The following YEATS2 variants were observed in gnomAD, a reference collection of about 807,000 sequenced individuals.
YEATS2 encodes YEATS domain containing 2.
In YEATS2, 77 loss-of-function variants were observed where a neutral mutation model predicts 163.2. The ratio of observed to expected loss-of-function variants is 0.47; its 90% CI spans 0.39 to 0.57. YEATS2 has a LOEUF of 0.57. Among genes scored for constraint, YEATS2 ranks in the 20% least tolerant of loss-of-function variants. The pLI, the probability that YEATS2 is intolerant of heterozygous loss-of-function variation, is 0.00. For synonymous variants in YEATS2, 631 were observed against 645.1 expected, an observed-to-expected ratio of 0.98 and a Z score of 0.33; for missense variants, 1,549 against 1,729.8, an observed-to-expected ratio of 0.90 and a Z score of 1.85.
intron 15 of YEATS2, among the ~76,000 whole-genome samples, chr3:183,762,806 C>G (rs184119619): frequency 1.2e-3 from 182 of 152,024 alleles, no homozygotes; most frequent in African/African-American, 4.3e-3. Context: ...GATCCCAGCA[C>G]TTTAGGAGGC....
chr3:183,758,759 G>T, intron 12 of YEATS2, 103 bp from the exon 13 acceptor site: 1 of 868,202 alleles, frequency 1.2e-6, no homozygotes, highest in Non-Finnish European at 1.8e-6. Context: ...CCTTAAACAT[G>T]AAAAATAAAT....
intron 1 of YEATS2, among the ~76,000 whole-genome samples, chr3:183,712,227 T>TTTTATTTTATTTTATGTTATTTTATTTTA (rs1577037949): frequency 1.8e-5 from 1 of 55,244 alleles, no homozygotes; most frequent in African/African-American, 2.1e-4. Flanking sequence ...ATTTTATTTT[T>TTTTATTTTATTTTATGTTATTTTATTTTA]TGAGACAGAG....
At chr3:183,798,515 GGC>G (rs1725372000) in intron 22 of YEATS2, among the ~76,000 whole-genome samples, 2 of 152,016 alleles carry the variant, frequency 1.3e-5, no homozygotes, top group Admixed American at 6.6e-5. Context: ...CACCACGCCT[GGC>G]TAATTTTCGT....
At chr3:183,735,045 G>T (rs1718194166) in intron 7 of YEATS2, among the ~76,000 whole-genome samples, 1 of 152,084 alleles carries the variant, frequency 6.6e-6, no homozygotes, top group Non-Finnish European at 1.5e-5. Flanking sequence ...CTGTTAAAAA[G>T]CATTGTTCAT....
chr3:183,761,628 A>C lies in YEATS2; in HGVS notation c.1764+14A>C, dbSNP rs776008958. On this transcript the variant is annotated intron_variant, in intron 14 of 30. Coordinates refer to ENST00000305135, the MANE Select transcript of YEATS2 (RefSeq NM_018023.5). ...GCTTTCACAAAAGTGAGTATGTATT[A>C]GGGCATTGTCCCACAAGTCATAATA... 1.2e-6 allele frequency: 2 copies of C among 1,607,872 alleles called. No individual in the cohort carries two copies. The highest frequency in any genetic ancestry group is 2.7e-5 in the African/African-American group (2 of 74,806).
At chr3:183,781,595 T>C (rs1723567730) in intron 19 of YEATS2, among the ~76,000 whole-genome samples, 1 of 152,206 alleles carries the variant, frequency 6.6e-6, no homozygotes, top group Admixed American at 6.5e-5. Flanking sequence ...TTAAAACCTA[T>C]GGAAACAACC....
At chr3:183,741,488 G>T (rs1216762430) in intron 8 of YEATS2, among the ~76,000 whole-genome samples, 4 of 152,092 alleles carry the variant, frequency 2.6e-5, no homozygotes, top group Non-Finnish European at 5.9e-5. Context: ...TCACTTAAGA[G>T]CTCTGATGAG....
In YEATS2 at chr3:183,777,510, C is replaced by T. The variant is rs202025631; in HGVS notation, c.2578-32C>T. 2.9e-5 allele frequency: 46 copies of T among 1,604,018 alleles called. No homozygotes were observed. In the Admixed American group the frequency reaches 7.0e-4, roughly 25 times the overall value. On this transcript the variant is annotated intron_variant, in intron 18 of 30. Coordinates refer to ENST00000305135, the MANE Select transcript of YEATS2 (RefSeq NM_018023.5). ...AGCCCATCTGAATTTAACAAATTAC[C>T]GATTAGTTCTTTATATTTTTTTCTA...
Position 183,752,747 on chromosome 3 carries a change from A to G in YEATS2, c.1150+494A>G, listed in dbSNP as rs141358342. On this transcript the variant is annotated intron_variant, in intron 10 of 30. Coordinates refer to ENST00000305135, the MANE Select transcript of YEATS2 (RefSeq NM_018023.5). Reference sequence around the variant, plus strand: ...AAAATTTCCATGAAGTTTTACTGACATATTATAAAATGTAAAAATAGCTAA... The same window carrying G: ...AAAATTTCCATGAAGTTTTACTGACGTATTATAAAATGTAAAAATAGCTAA... Among the ~76,000 whole-genome samples the G allele has an allele frequency of 4.0e-3, 609 of 151,718 alleles. 2 individuals carry two copies. The highest frequency in any genetic ancestry group is 0.014 in the African/African-American group (561 of 41,382).
At chr3:183,797,782 C>G in intron 21 of YEATS2, 141 bp from the exon 22 acceptor site, 1 of 997,572 alleles carries the variant, frequency 1.0e-6, no homozygotes, top group Non-Finnish European at 1.5e-6. Flanking sequence ...TCTGTTGTCT[C>G]CTGCTTCTTG....
intron 7 of YEATS2, among the ~76,000 whole-genome samples, chr3:183,729,078 C>G (rs988516590): frequency 6.6e-6 from 1 of 152,124 alleles, no homozygotes; most frequent in African/African-American, 2.4e-5. Context: ...TGAGACCATC[C>G]TGGCTAACAC....
intron 1 of YEATS2, among the ~76,000 whole-genome samples, chr3:183,709,220 G>A (rs1444537996): frequency 6.6e-6 from 1 of 152,068 alleles, no homozygotes; most frequent in Non-Finnish European, 1.5e-5. Flanking sequence ...CTCAGACTTG[G>A]TTATGTTATT....
At chr3:183,807,477 C>T (rs1025549795) in intron 28 of YEATS2, 6 of 276,020 alleles carry the variant, frequency 2.2e-5, no homozygotes, top group Admixed American at 5.0e-5. Context: ...CACGTCAGCG[C>T]GTAATCCTCC....
chr3:183,747,118 T>C (rs1289780224), intron 8 of YEATS2, among the ~76,000 whole-genome samples: 6 of 152,198 alleles, frequency 3.9e-5, no homozygotes, highest in African/African-American at 1.4e-4. Context: ...TGCCAGTATA[T>C]TTGAAGTCAT....
intron 17 of YEATS2, among the ~76,000 whole-genome samples, chr3:183,775,576 A>G (rs1438934489): frequency 1.3e-5 from 2 of 152,226 alleles, no homozygotes; most frequent in Non-Finnish European, 2.9e-5. Context: ...GCCTGGCGAC[A>G]GAGTGAGACT....
chr3:183,789,525 ATTTTTTTTTT>A (rs143473253), intron 20 of YEATS2, among the ~76,000 whole-genome samples: 77 of 66,352 alleles, frequency 1.2e-3, no homozygotes, highest in South Asian at 2.8e-3. Flanking sequence ...ATTCGAGTTA[ATTTTTTTTTT>A]TTTTTTTTTT....
intron 21 of YEATS2, chr3:183,793,532 A>G (rs1724857388): frequency 1.3e-6 from 1 of 764,568 alleles, no homozygotes; most frequent in East Asian, 1.3e-4. Flanking sequence ...CATGCAATAG[A>G]TGAAGTCTCC....
chr3:183,765,986 CA>C (rs1351388283), intron 15 of YEATS2, among the ~76,000 whole-genome samples: 1 of 151,386 alleles, frequency 6.6e-6, no homozygotes, highest in African/African-American at 2.4e-5. Context: ...AGGAGGGTGG[CA>C]AAAAATGGCA....
chr3:183,722,276 A>ATTTTTTTTTTTT (rs1305253544), intron 5 of YEATS2, 140 bp downstream of exon 5: 1 of 583,028 alleles, frequency 1.7e-6, no homozygotes, highest in African/African-American at 3.6e-5. Flanking sequence ...GGGAAACCAA[A>ATTTTTTTTTTTT]TCTTTTTTTT....
Sources: gnomAD v4.1 joint callset for allele counts (sites outside exome capture counted in the v4.1 genomes callset) on GRCh38, gnomAD v4.1.1 for gene constraint, MANE v1.5 for transcripts, NCBI Gene and HGNC (gene_info 2026-07-23, HGNC 2026-07-21) for gene names.